Variants in MTMR7 observed in about 807,000 individuals in gnomAD.
MTMR7 encodes phosphatidylinositol-3-phosphate phosphatase MTMR7.
In MTMR7, 76 loss-of-function variants were observed where a neutral mutation model predicts 81.2. That is an observed-to-expected ratio of 0.94 (90% confidence interval 0.78 to 1.13). The LOEUF is 1.13. MTMR7 is among the 50% of genes most tolerant of loss of function. The pLI is 0.00. For missense variants in MTMR7, 1,044 were observed against 820.0 expected, an observed-to-expected ratio of 1.27 and a Z score of -3.34; for synonymous variants, 372 against 289.8, an observed-to-expected ratio of 1.28 and a Z score of -2.88.
intron 7 of MTMR7, among the ~76,000 whole-genome samples, chr8:17,324,585 C>T (rs1414405596): frequency 6.6e-6 from 1 of 152,170 alleles, no homozygotes; most frequent in African/African-American, 2.4e-5. Flanking sequence ...CATACAACAC[C>T]AGAGAGGCAA....
intron 5 of MTMR7, among the ~76,000 whole-genome samples, chr8:17,343,985 T>C (rs1229489354): frequency 6.6e-6 from 1 of 152,258 alleles, no homozygotes; most frequent in Admixed American, 6.5e-5. Flanking sequence ...AGCGCTCATT[T>C]ACAATGCTAC....
intron 5 of MTMR7, among the ~76,000 whole-genome samples, chr8:17,347,870 A>C (rs1819606776): frequency 6.6e-6 from 1 of 152,208 alleles, no homozygotes; most frequent in South Asian, 2.1e-4. Context: ...TTCCTTAAAA[A>C]GCTGGGCACA....
chr8:17,411,254 C>T (rs1302240277), intron 1 of MTMR7, among the ~76,000 whole-genome samples: 1 of 152,140 alleles, frequency 6.6e-6, no homozygotes, highest in African/African-American at 2.4e-5. Context: ...AAGTACATGA[C>T]CACTGTTGAA....
At chr8:17,408,515 T>C (rs1821657873) in intron 1 of MTMR7, among the ~76,000 whole-genome samples, 1 of 152,098 alleles carries the variant, frequency 6.6e-6, no homozygotes, top group Admixed American at 6.5e-5. Flanking sequence ...TATCAACTGC[T>C]AGATGACATC....
chr8:17,305,566 T>C (rs969445824), intron 11 of MTMR7, among the ~76,000 whole-genome samples, 191 bp downstream of exon 11: 6 of 152,180 alleles, frequency 3.9e-5, no homozygotes, highest in African/African-American at 1.4e-4. Flanking sequence ...AATGAAACTA[T>C]TTATCTGTCA....
At chr8:17,335,354 G>A (rs1250356511) in intron 6 of MTMR7, among the ~76,000 whole-genome samples, 3 of 152,136 alleles carry the variant, frequency 2.0e-5, no homozygotes, top group South Asian at 4.1e-4. Context: ...AATGAGGCCC[G>A]GGGAGAGCAG....
chr8:17,330,686 A>G lies in MTMR7; in HGVS notation c.865+464T>C, dbSNP rs796770959. ...GTGGAGGTGGCGGGAGGTTACATGC[A>G]TGTGTATTGTGGTGGCTGCTGTTTA... On this transcript the variant is annotated intron_variant, in intron 7 of 13. Coordinates refer to ENST00000180173, the MANE Select transcript of MTMR7 (RefSeq NM_004686.5). Among the ~76,000 whole-genome samples, 12 of 152,230 alleles carry G rather than the reference A, an allele frequency of 7.9e-5. 2 individuals carry two copies. Among genetic ancestry groups the G allele is most frequent in the African/African-American group, 2.9e-4 (12 of 41,542 alleles).
chr8:17,329,469 T>C (rs980457573), intron 7 of MTMR7, among the ~76,000 whole-genome samples: 2 of 152,118 alleles, frequency 1.3e-5, no homozygotes, highest in African/African-American at 2.4e-5. Context: ...TAGAAAACAG[T>C]AGTGTCAGAC....
chr8:17,326,558 C>T (rs1227882285), intron 7 of MTMR7: 11 of 152,154 alleles, frequency 7.2e-5, no homozygotes, highest in Admixed American at 6.5e-4. Flanking sequence ...TGCTTTGTAA[C>T]GTGATACTGG....
chr8:17,357,627 C>CA (rs1319191080), intron 4 of MTMR7, among the ~76,000 whole-genome samples: 1 of 152,192 alleles, frequency 6.6e-6, no homozygotes, highest in South Asian at 2.1e-4. Context: ...TACATCGTTT[C>CA]ACTCAAAGTC....
chr8:17,387,480 T>C (rs1349905549), intron 1 of MTMR7, among the ~76,000 whole-genome samples: 1 of 152,174 alleles, frequency 6.6e-6, no homozygotes, highest in Admixed American at 6.5e-5. Context: ...AAAGGATAAA[T>C]GAATATATCT....
At chr8:17,409,763 A>T (rs1821689245) in intron 1 of MTMR7, among the ~76,000 whole-genome samples, 2 of 152,216 alleles carry the variant, frequency 1.3e-5, no homozygotes, top group Non-Finnish European at 2.9e-5. Context: ...GGAGTTGGAC[A>T]ACAGCCTGAG....
rs1236346052 is a variant in MTMR7 at position 17,297,202 on chromosome 8, T to TAATC, written c.*2656_*2659dup. On this transcript the variant is annotated 3_prime_UTR_variant, in exon 14 of 14. Transcript: ENST00000180173. ...GAGGAATACTTAGGAGTTACTAGGCTAATCAGTGTACGAATTTGTCATAGG... is the reference window on the plus strand; with the variant it reads ...GAGGAATACTTAGGAGTTACTAGGCTAATCAATCAGTGTACGAATTTGTCATAGG... 8 of 152,172 alleles carry TAATC rather than the reference T, an allele frequency of 5.3e-5. No homozygotes were observed. Among genetic ancestry groups the TAATC allele is most frequent in the African/African-American group, 1.2e-4 (5 of 41,454 alleles). 9.4% of individuals were successfully genotyped at this position (152,172 alleles called of 1,614,324 possible).
At chr8:17,363,796 G>A (rs899716259) in intron 3 of MTMR7, among the ~76,000 whole-genome samples, 2 of 151,888 alleles carry the variant, frequency 1.3e-5, no homozygotes, top group Non-Finnish European at 2.9e-5. Flanking sequence ...CACTAGCACA[G>A]ATGAAAGTTT....
At chr8:17,356,990 G>A (rs1819912821) in intron 4 of MTMR7, among the ~76,000 whole-genome samples, 1 of 151,950 alleles carries the variant, frequency 6.6e-6, no homozygotes, top group African/African-American at 2.4e-5. Flanking sequence ...CTCCTAAGTA[G>A]AAACACAATA....
chr8:17,348,567 A>G (rs1190467165), intron 5 of MTMR7, among the ~76,000 whole-genome samples: 1 of 150,222 alleles, frequency 6.7e-6, no homozygotes, highest in Non-Finnish European at 1.5e-5. Context: ...AAAAAAAAAA[A>G]ACGTAATAGA....
chr8:17,378,299 T>C (rs967985063), intron 1 of MTMR7, among the ~76,000 whole-genome samples: 12 of 152,282 alleles, frequency 7.9e-5, no homozygotes, highest in African/African-American at 2.9e-4. Context: ...AAATGAATTA[T>C]AAAAATTAAA....
chr8:17,365,916 T>G (rs1249853054), intron 3 of MTMR7, among the ~76,000 whole-genome samples: 1 of 152,200 alleles, frequency 6.6e-6, no homozygotes, highest in Non-Finnish European at 1.5e-5. Flanking sequence ...AGTGTTTCAG[T>G]TGAAAGCATG....
At chr8:17,384,221 G>A (rs992109274) in intron 1 of MTMR7, among the ~76,000 whole-genome samples, 6 of 151,942 alleles carry the variant, frequency 3.9e-5, no homozygotes, top group African/African-American at 1.5e-4. Flanking sequence ...GACCAGCCTG[G>A]GCAACAAGAT....
Sources: gnomAD v4.1 joint callset for allele counts (sites outside exome capture counted in the v4.1 genomes callset) on GRCh38, gnomAD v4.1.1 for gene constraint, MANE v1.5 for transcripts, NCBI Gene and HGNC (gene_info 2026-07-23, HGNC 2026-07-21) for gene names.